The following POLR3B variants were observed in gnomAD, a reference collection of about 807,000 sequenced individuals.
POLR3B encodes DNA-directed RNA polymerase III subunit RPC2.
In POLR3B, 96 loss-of-function variants were observed where a neutral mutation model predicts 147.4. That is an observed-to-expected ratio of 0.65 (90% CI 0.55 to 0.77). The LOEUF (loss-of-function observed/expected upper bound fraction) is 0.77. Ranked by LOEUF, POLR3B falls within the 30% of genes least tolerant of loss-of-function variation. The pLI is 0.00. For missense variants in POLR3B, 1,036 were observed against 1,413.5 expected (o/e 0.73, Z 4.28); for synonymous variants, 461 against 485.9 (o/e 0.95, Z 0.67).
intron 9 of POLR3B, among the ~76,000 whole-genome samples, chr12:106,384,548 C>T (rs183897236): frequency 1.8e-4 from 28 of 152,324 alleles, no homozygotes; most frequent in Admixed American, 1.8e-3. Flanking sequence ...AACAAGGCAA[C>T]ACTCTGCCTT....
intron 12 of POLR3B, among the ~76,000 whole-genome samples, chr12:106,414,649 T>A (rs1352291084): frequency 3.9e-5 from 6 of 152,182 alleles, no homozygotes; most frequent in Non-Finnish European, 7.4e-5. Flanking sequence ...ACCTCATTTT[T>A]AATATGTTTT....
chr12:106,507,308 A>T (rs1031767109), intron 27 of POLR3B, among the ~76,000 whole-genome samples: 5 of 152,222 alleles, frequency 3.3e-5, no homozygotes, highest in African/African-American at 1.2e-4. Context: ...GTAAGGTTTT[A>T]TACACACACA....
intron 23 of POLR3B, among the ~76,000 whole-genome samples, chr12:106,472,324 C>G (rs1222108998): frequency 6.6e-6 from 1 of 151,810 alleles, no homozygotes; most frequent in African/African-American, 2.4e-5. Flanking sequence ...AATAAACATA[C>G]GTGTGCATGT....
At chr12:106,431,648 G>A (rs989020525) in intron 14 of POLR3B, among the ~76,000 whole-genome samples, 3 of 152,198 alleles carry the variant, frequency 2.0e-5, no homozygotes, top group African/African-American at 4.8e-5. Flanking sequence ...TCCCAACTGT[G>A]AACATCTTAT....
At chr12:106,402,018 A>C (rs566687513) in intron 10 of POLR3B, among the ~76,000 whole-genome samples, 29 of 152,300 alleles carry the variant, frequency 1.9e-4, no homozygotes, top group African/African-American at 6.0e-4. Context: ...GAGGAAGTCA[A>C]ATTGTCCCTG....
At chr12:106,506,407 C>G (rs2038688803) in intron 27 of POLR3B, among the ~76,000 whole-genome samples, 1 of 152,114 alleles carries the variant, frequency 6.6e-6, no homozygotes. Flanking sequence ...CTCCCTCTCC[C>G]CACCCCCGGA....
chr12:106,375,843 A>G (rs543806295), intron 6 of POLR3B, among the ~76,000 whole-genome samples: 1 of 152,110 alleles, frequency 6.6e-6, no homozygotes, highest in Non-Finnish European at 1.5e-5. Flanking sequence ...TAAACCAAAC[A>G]TTTGAGTTTT....
chr12:106,506,911 A>G (rs190646115), intron 27 of POLR3B, among the ~76,000 whole-genome samples: 108 of 152,264 alleles, frequency 7.1e-4, no homozygotes, highest in African/African-American at 2.5e-3. Context: ...GGGAGGGAGC[A>G]TGGGCGTCGT....
chr12:106,491,013 G>A (rs2038401142), intron 23 of POLR3B, among the ~76,000 whole-genome samples: 1 of 152,178 alleles, frequency 6.6e-6, no homozygotes, highest in Non-Finnish European at 1.5e-5. Flanking sequence ...TGCCTCTCCA[G>A]CCAAAGTTAG....
At chr12:106,466,760 G>A (rs1169935102) in intron 23 of POLR3B, among the ~76,000 whole-genome samples, 4 of 152,150 alleles carry the variant, frequency 2.6e-5, no homozygotes, top group Admixed American at 1.3e-4. Flanking sequence ...TCAGATGGTG[G>A]TAGATGTGTG....
chr12:106,379,972 A>T, intron 8 of POLR3B, 59 bp from the exon 9 acceptor site: 1 of 910,500 alleles, frequency 1.1e-6, no homozygotes, highest in Non-Finnish European at 1.8e-6. Context: ...CTATTATTGC[A>T]TGTTACTAGC....
intron 19 of POLR3B, among the ~76,000 whole-genome samples, chr12:106,453,432 CTG>C (rs2037823391): frequency 6.6e-6 from 1 of 152,042 alleles, no homozygotes; most frequent in Admixed American, 6.6e-5. Context: ...GGGTGTAACT[CTG>C]TGAAATGGCA....
At chr12:106,367,030 G>C (rs542974909) in intron 4 of POLR3B, among the ~76,000 whole-genome samples, 9 of 152,256 alleles carry the variant, frequency 5.9e-5, no homozygotes, top group African/African-American at 2.2e-4. Context: ...TTGAATCTGG[G>C]ACGGGGAGAT....
intron 12 of POLR3B, among the ~76,000 whole-genome samples, 193 bp from the exon 13 acceptor site, chr12:106,427,004 T>A (rs1305532041): frequency 1.3e-5 from 2 of 152,148 alleles, no homozygotes; most frequent in Non-Finnish European, 2.9e-5. Context: ...CTCGTTTAAA[T>A]GCCTAGCACG....
At chr12:106,377,092 A>G (rs1446140552) in intron 7 of POLR3B, among the ~76,000 whole-genome samples, 5 of 152,200 alleles carry the variant, frequency 3.3e-5, no homozygotes, top group African/African-American at 1.2e-4. Flanking sequence ...TGCCTGGTTG[A>G]AAAAAATCAA....
chr12:106,377,179 A>G (rs978252404), intron 7 of POLR3B, among the ~76,000 whole-genome samples: 1 of 152,210 alleles, frequency 6.6e-6, no homozygotes, highest in African/African-American at 2.4e-5. Flanking sequence ...CATTTTTAAA[A>G]ATTTTATTTT....
rs145668232 is a variant in POLR3B at position 106,438,825 on chromosome 12, G to A, written c.1955+1046G>A. Among the ~76,000 whole-genome samples the A allele has an allele frequency of 7.3e-4, 105 of 144,154 alleles. No individual in the cohort carries two copies. The East Asian group carries it at 0.019, about 27-fold the overall frequency. 94.6% of individuals were successfully genotyped at this position (144,154 alleles called of 152,430 possible). A position where few individuals can be genotyped will look rare whatever the true frequency, so the allele number is the denominator to read the frequency against. Reference sequence around the variant, plus strand: ...TGTCAGTGCAGGAATTCTCTACATAGTCTGTTCAAAAACTCTAAGTTTATG... The same window carrying A: ...TGTCAGTGCAGGAATTCTCTACATAATCTGTTCAAAAACTCTAAGTTTATG... On this transcript the variant is annotated intron_variant, in intron 18 of 27. Transcript: ENST00000228347.
intron 21 of POLR3B, among the ~76,000 whole-genome samples, chr12:106,458,870 G>A (rs948711310): frequency 6.6e-6 from 1 of 152,160 alleles, no homozygotes; most frequent in Middle Eastern, 3.2e-3. Context: ...AGTTAAATTG[G>A]TGGTGGCTTA....
At chr12:106,375,032 T>G (rs1312587826) in intron 6 of POLR3B, among the ~76,000 whole-genome samples, 1 of 152,238 alleles carries the variant, frequency 6.6e-6, no homozygotes, top group Non-Finnish European at 1.5e-5. Context: ...TAGTAACTTC[T>G]CTCAGTTTTT....
Sources: gnomAD v4.1 joint callset for allele counts (sites outside exome capture counted in the v4.1 genomes callset) on GRCh38, gnomAD v4.1.1 for gene constraint, MANE v1.5 for transcripts, NCBI Gene and HGNC (gene_info 2026-07-23, HGNC 2026-07-21) for gene names.